Variants in SLC39A11 observed in about 807,000 individuals in gnomAD.
SLC39A11 encodes the protein zinc transporter ZIP11.
A neutral mutation model predicts 36.1 loss-of-function variants in SLC39A11; 33 were observed. The observed-to-expected ratio is 0.91, with a 90% CI of 0.69 to 1.22. The LOEUF is 1.22. Among genes scored for constraint, SLC39A11 ranks in the 50% most tolerant of loss-of-function variants. The pLI is 0.00. For synonymous variants in SLC39A11, 166 were observed against 170.3 expected (o/e 0.97, Z 0.20); for missense variants, 432 against 430.3 (o/e 1.00, Z -0.03).
intron 3 of SLC39A11, chr17:73,068,042 C>G: frequency 6.3e-7 from 1 of 1,585,140 alleles, no homozygotes; most frequent in Non-Finnish European, 8.7e-7. Flanking sequence ...GTCAATGAGT[C>G]CTTGGATGGT....
At chr17:72,818,037 C>T (rs2077641120) in intron 6 of SLC39A11, 1 of 152,090 alleles carries the variant, frequency 6.6e-6, no homozygotes, top group African/African-American at 2.4e-5. Context: ...ATTATGAGAA[C>T]AGCAGCATGA....
At chr17:72,738,231 C>T (rs751806946) in intron 6 of SLC39A11, among the ~76,000 whole-genome samples, 1 of 152,134 alleles carries the variant, frequency 6.6e-6, no homozygotes, top group Non-Finnish European at 1.5e-5. Context: ...GTCTCGATCT[C>T]CCGACCTCGT....
At chr17:72,955,907 G>C (rs934775145) in intron 4 of SLC39A11, among the ~76,000 whole-genome samples, 2 of 151,984 alleles carry the variant, frequency 1.3e-5, no homozygotes. Context: ...AAAGCGTGAC[G>C]TTCCATCCAC....
At chr17:72,941,820 AATAT>A (rs956915492) in intron 5 of SLC39A11, among the ~76,000 whole-genome samples, 1 of 151,950 alleles carries the variant, frequency 6.6e-6, no homozygotes, top group Non-Finnish European at 1.5e-5. Context: ...CCTCCTGCAA[AATAT>A]TTTTGTGCGG....
At chr17:72,769,250 C>T (rs985929444) in intron 6 of SLC39A11, among the ~76,000 whole-genome samples, 5 of 152,214 alleles carry the variant, frequency 3.3e-5, no homozygotes, top group African/African-American at 4.8e-5. Flanking sequence ...TACCCTTCCA[C>T]GGCACTCATC....
rs753018600 is a variant in SLC39A11, at chr17:72,647,637, C to T, written c.955G>A (p.Ala319Thr). The T allele has an allele frequency of 1.9e-6, 3 of 1,613,952 alleles. No homozygotes were observed. Among genetic ancestry groups the T allele is most frequent in the Middle Eastern group, 1.7e-4 (1 of 6,050 alleles). The change falls in exon 10 of 10, where the codon GCC (alanine) becomes ACC (threonine). Residue 319 changes from alanine to threonine, a missense_variant. Ala to Thr is a moderately conservative substitution (Grantham distance 58). Transcript: ENST00000255559. ...ATCACTACAAATCCCAGGATGGAGG[C>T]CCAGGATGCCAGTTTCCCATTACCA... ...ISGNGKLASW[A>T]SILGFVVMMS...
chr17:72,712,763 C>T (rs1010714176), intron 7 of SLC39A11: 1 of 152,132 alleles, frequency 6.6e-6, no homozygotes, highest in African/African-American at 2.4e-5. Context: ...TTTTACTAGA[C>T]AACAGAGTGA....
chr17:72,789,297 G>A (rs2076622524), intron 6 of SLC39A11, among the ~76,000 whole-genome samples: 1 of 152,098 alleles, frequency 6.6e-6, no homozygotes, highest in Admixed American at 6.6e-5. Context: ...CCTCCCAAAG[G>A]CTTTGACTGC....
At chr17:72,741,472 G>A (rs1210537486) in intron 6 of SLC39A11, among the ~76,000 whole-genome samples, 1 of 152,124 alleles carries the variant, frequency 6.6e-6, no homozygotes, top group Non-Finnish European at 1.5e-5. Context: ...ATCAATGATA[G>A]ACTAGACTAG....
rs1204404529 is a variant in SLC39A11 at position 73,081,666 on chromosome 17, CACACATAT to C, written c.147+3134_147+3141del. ...ACACACACACACACACACACACACA[CACACATAT>C]ATATACACATATATGTATATATGTA... is the stretch of plus-strand genomic sequence containing the variant. On this transcript the variant is annotated intron_variant, in intron 3 of 9. Transcript: ENST00000255559. Among the ~76,000 whole-genome samples the C allele has an allele frequency of 6.6e-3, 522 of 78,502 alleles. 8 individuals carry two copies. Among genetic ancestry groups the C allele is most frequent in the African/African-American group, 0.023 (464 of 20,432 alleles). 51.5% of individuals were successfully genotyped at this position (78,502 alleles called of 152,430 possible).
intron 3 of SLC39A11, among the ~76,000 whole-genome samples, chr17:73,075,717 G>A (rs543377967): frequency 2.0e-5 from 3 of 152,256 alleles, no homozygotes; most frequent in South Asian, 4.1e-4. Context: ...GCTAGGCGTG[G>A]TGGTGGGTGC....
chr17:73,048,632 G>A (rs1339580199), intron 3 of SLC39A11, among the ~76,000 whole-genome samples: 3 of 152,172 alleles, frequency 2.0e-5, no homozygotes, highest in Non-Finnish European at 4.4e-5. Context: ...CACAGTGGCT[G>A]AACTAATTCT....
chr17:72,914,788 A>C (rs760169943), intron 5 of SLC39A11, among the ~76,000 whole-genome samples: 1 of 151,786 alleles, frequency 6.6e-6, no homozygotes, highest in Non-Finnish European at 1.5e-5. Flanking sequence ...GAATCACTTG[A>C]ACTCGGGAGG....
At chr17:72,848,369 T>G (rs963299452) in intron 6 of SLC39A11, among the ~76,000 whole-genome samples, 2 of 152,236 alleles carry the variant, frequency 1.3e-5, no homozygotes, top group Non-Finnish European at 2.9e-5. Flanking sequence ...AAAGAAACAT[T>G]CATTGTTTTT....
intron 5 of SLC39A11, among the ~76,000 whole-genome samples, chr17:72,931,643 G>A (rs1339260382): frequency 6.6e-6 from 1 of 152,214 alleles, no homozygotes; most frequent in Non-Finnish European, 1.5e-5. Flanking sequence ...GTTCAAGGTT[G>A]AGGAATCTTG....
intron 4 of SLC39A11, among the ~76,000 whole-genome samples, chr17:72,972,489 T>G (rs1457736853): frequency 6.6e-6 from 1 of 152,220 alleles, no homozygotes; most frequent in Non-Finnish European, 1.5e-5. Flanking sequence ...TGTCTGCTTA[T>G]GAGGCATGAG....
chr17:72,657,117 T>C (rs962352155), intron 7 of SLC39A11, among the ~76,000 whole-genome samples: 1 of 152,090 alleles, frequency 6.6e-6, no homozygotes, highest in Non-Finnish European at 1.5e-5. Flanking sequence ...ATCCCAACAC[T>C]TTGGGAGGCA....
At chr17:72,811,326 T>A (rs2145400497) in intron 6 of SLC39A11, among the ~76,000 whole-genome samples, 1 of 152,286 alleles carries the variant, frequency 6.6e-6, no homozygotes, top group East Asian at 1.9e-4. Context: ...GGCCCCACCA[T>A]TATGACCTAA....
chr17:72,731,414 G>C (rs2074210023), intron 7 of SLC39A11, among the ~76,000 whole-genome samples: 1 of 152,208 alleles, frequency 6.6e-6, no homozygotes, highest in Non-Finnish European at 1.5e-5. Context: ...GTAGGACGTG[G>C]TGGGAGGTGA....
Sources: allele counts gnomAD v4.1 joint callset (sites outside exome capture counted in the v4.1 genomes callset), GRCh38; gene constraint gnomAD v4.1.1; transcripts MANE v1.5; gene names NCBI Gene and HGNC (gene_info 2026-07-23, HGNC 2026-07-21).